Variants in BTRC observed in about 807,000 individuals in gnomAD.
BTRC encodes F-box/WD repeat-containing protein 1A.
A neutral mutation model predicts 85.5 loss-of-function variants in BTRC; 42 were observed. The ratio of observed to expected loss-of-function variants is 0.49; its 90% CI spans 0.38 to 0.64. BTRC has a LOEUF of 0.64. BTRC is among the 30% of genes least tolerant of loss of function. The probability of loss-of-function intolerance (pLI) is 0.00; values close to 1 mark genes in which losing one functional copy is unlikely to be tolerated. For missense variants in BTRC, 594 were observed against 743.5 expected (o/e 0.80, Z 2.34); for synonymous variants, 255 against 263.3 (o/e 0.97, Z 0.30).
chr10:101,539,290 T>C (rs2062432839), intron 13 of BTRC, among the ~76,000 whole-genome samples: 1 of 152,192 alleles, frequency 6.6e-6, no homozygotes, highest in South Asian at 2.1e-4. Context: ...AGAAAATTAG[T>C]TGGAGCAACA....
intron 1 of BTRC, 53 bp from the exon 2 acceptor site, chr10:101,430,292 C>A: frequency 7.9e-7 from 1 of 1,259,938 alleles, no homozygotes; most frequent in Non-Finnish European, 1.1e-6. Context: ...TTCCTGTAAT[C>A]TGTGCCATCC....
rs530929660 is a variant in BTRC, at chr10:101,385,748, T to C, written c.48+31520T>C. Among the ~76,000 whole-genome samples, 20 of 151,396 alleles carry C rather than the reference T, an allele frequency of 1.3e-4. No individual in the cohort carries two copies. The South Asian group carries it at 4.0e-3, about 30-fold the overall frequency. Reference sequence around the variant, plus strand: ...CTTCCCAGACACACACACACACATATGTTTTGTACAAAATTTCAGGAGGTT... The same window carrying C: ...CTTCCCAGACACACACACACACATACGTTTTGTACAAAATTTCAGGAGGTT... On this transcript the variant is annotated intron_variant, in intron 1 of 14. Coordinates refer to ENST00000370187, the MANE Select transcript of BTRC (RefSeq NM_033637.4).
At chr10:101,457,754 T>C (rs1336453555) in intron 2 of BTRC, among the ~76,000 whole-genome samples, 1 of 152,178 alleles carries the variant, frequency 6.6e-6, no homozygotes, top group Non-Finnish European at 1.5e-5. Context: ...GATGGAATTT[T>C]CCCCCTAAAA....
chr10:101,555,641 A>C lies in BTRC; in HGVS notation c.*2518A>C, dbSNP rs370545555. The C allele has an allele frequency of 6.2e-4, 95 of 152,784 alleles. No individual in the cohort carries two copies. The highest frequency in any genetic ancestry group is 2.1e-3 in the African/African-American group (89 of 41,576). The allele number at this position is 152,784 out of a possible 1,614,324, so 9.5% of individuals were successfully genotyped here. A position where few individuals can be genotyped will look rare whatever the true frequency, so the allele number is the denominator to read the frequency against. On this transcript the variant is annotated 3_prime_UTR_variant, in exon 15 of 15. Transcript: ENST00000370187. ...GGTAAACCCCACTTACCATCTCTGC[A>C]TGATTTCAGTGGGAATTGATTATCA...
chr10:101,545,945 C>T (rs1159185545), intron 13 of BTRC, among the ~76,000 whole-genome samples: 1 of 152,124 alleles, frequency 6.6e-6, no homozygotes, highest in Non-Finnish European at 1.5e-5. Context: ...TGTGTACACA[C>T]CTAACAACAG....
At position 101,535,464 on chromosome 10, in the gene BTRC, C is replaced by T; in HGVS notation, c.1458C>T (p.Asn486=). Reference sequence around the variant, plus strand: ...TGGTAGTGAGTGGCTCATCTGACAACACTATCAGGTGAGCAGCAAGTGCCT... The same window carrying T: ...TGGTAGTGAGTGGCTCATCTGACAATACTATCAGGTGAGCAGCAAGTGCCT... ...DRLVVSGSSD[N]TIRLWDIECG... is the part of the protein sequence containing the mutation. Residue 486 remains asparagine (N), a synonymous_variant, in exon 11 of 15, where the codon AAC becomes AAT. Coordinates refer to ENST00000370187, the MANE Select transcript of BTRC (RefSeq NM_033637.4). 1 of 1,608,888 alleles carries T rather than the reference C, an allele frequency of 6.2e-7. No individual in the cohort carries two copies. The highest frequency in any genetic ancestry group is 8.5e-7 in the Non-Finnish European group (1 of 1,175,890).
intron 2 of BTRC, among the ~76,000 whole-genome samples, chr10:101,433,348 G>T (rs899309247): frequency 6.6e-6 from 1 of 152,060 alleles, no homozygotes; most frequent in South Asian, 2.1e-4. Flanking sequence ...TTCTAGGAAG[G>T]GAATGTTCAA....
intron 6 of BTRC, among the ~76,000 whole-genome samples, chr10:101,530,536 G>A (rs769920096): frequency 6.6e-5 from 10 of 151,752 alleles, no homozygotes; most frequent in Non-Finnish European, 1.5e-4. Context: ...TAGTTCAAAG[G>A]TAATAGTTAC....
chr10:101,369,502 T>TA (rs1401856183), intron 1 of BTRC, among the ~76,000 whole-genome samples: 2 of 152,246 alleles, frequency 1.3e-5, no homozygotes, highest in African/African-American at 4.8e-5. Flanking sequence ...TACTGAAAGA[T>TA]ACTCCAGGCT....
At chr10:101,413,506 G>C (rs1209650944) in intron 1 of BTRC, among the ~76,000 whole-genome samples, 1 of 152,154 alleles carries the variant, frequency 6.6e-6, no homozygotes, top group Non-Finnish European at 1.5e-5. Context: ...TAGAGATGGG[G>C]TTTCACCATC....
chr10:101,437,527 G>A (rs1311550077), intron 2 of BTRC, among the ~76,000 whole-genome samples: 1 of 152,114 alleles, frequency 6.6e-6, no homozygotes, highest in East Asian at 1.9e-4. Context: ...GTAGAAAATA[G>A]AAGTAGAAAG....
At chr10:101,401,146 A>G (rs1419112421) in intron 1 of BTRC, among the ~76,000 whole-genome samples, 1 of 152,232 alleles carries the variant, frequency 6.6e-6, no homozygotes, top group Non-Finnish European at 1.5e-5. Flanking sequence ...AATTTAATAC[A>G]ATGAAGTTTC....
Position 101,431,224 on chromosome 10 carries a change from G to A in BTRC, c.156+772G>A, listed in dbSNP as rs541926635. 2.5e-4 allele frequency among the ~76,000 whole-genome samples: 38 copies of A among 151,790 alleles called. 1 individual carries two copies. The highest frequency in any genetic ancestry group is 8.7e-4 in the African/African-American group (36 of 41,428). On this transcript the variant is annotated intron_variant, in intron 2 of 14. Coordinates refer to ENST00000370187, the MANE Select transcript of BTRC (RefSeq NM_033637.4). ...CCTGAGTAGTTGGGATTACAGTTAC[G>A]CGCCACCACGCCTGGCTAATTTTTG...
Position 101,532,428 on chromosome 10 carries a change from T to C in BTRC, c.974T>C (p.Ile325Thr). ...KIVSGLRDNT[I>T]KIWDKNTLEC... Reference sequence around the variant, plus strand: ...GTAAGCGGCCTTCGAGACAACACAATCAAGGTGAGGTCTATTCAGTTGTAG... The same window carrying C: ...GTAAGCGGCCTTCGAGACAACACAACCAAGGTGAGGTCTATTCAGTTGTAG... The change falls in exon 8 of 15, where the codon ATC (isoleucine) becomes ACC (threonine). Residue 325 changes from isoleucine (I) to threonine (T), a missense_variant. Physicochemically the swap from Ile to Thr is moderately conservative, Grantham distance 89. This residue lies in a region of BTRC where 373 missense variants were observed against 503.6 expected (regional missense o/e 0.74). Transcript: ENST00000370187. The C allele has an allele frequency of 1.2e-6, 2 of 1,609,252 alleles. No individual in the cohort carries two copies. Among genetic ancestry groups the C allele is most frequent in the East Asian group, 2.2e-5 (1 of 44,750 alleles).
chr10:101,369,219 ATT>A (rs960978960), intron 1 of BTRC, among the ~76,000 whole-genome samples: 1 of 143,066 alleles, frequency 7.0e-6, no homozygotes, highest in Admixed American at 7.0e-5. Context: ...GAGTATTATT[ATT>A]TTTTTTTTTT....
At chr10:101,536,415 A>C in intron 11 of BTRC, 128 bp from the exon 12 acceptor site, 1 of 644,772 alleles carries the variant, frequency 1.6e-6, no homozygotes, top group Non-Finnish European at 2.8e-6. Flanking sequence ...AAAGCAGTAC[A>C]TATCTGTGTG....
intron 4 of BTRC, among the ~76,000 whole-genome samples, chr10:101,509,351 T>C (rs1189712326): frequency 1.5e-5 from 2 of 130,676 alleles, no homozygotes; most frequent in Non-Finnish European, 3.2e-5. Flanking sequence ...GCCTCCCGGG[T>C]TCACGCCATT....
At chr10:101,398,028 C>T (rs1055518765) in intron 1 of BTRC, among the ~76,000 whole-genome samples, 3 of 152,150 alleles carry the variant, frequency 2.0e-5, no homozygotes, top group Non-Finnish European at 4.4e-5. Context: ...AGGAATAAAC[C>T]TGATGAAAAC....
intron 3 of BTRC, among the ~76,000 whole-genome samples, chr10:101,474,712 T>C (rs186335218): frequency 1.2e-4 from 19 of 152,324 alleles, no homozygotes; most frequent in African/African-American, 3.8e-4. Context: ...GGCTTTCAGA[T>C]TGAATTCTAG....
Sources: allele counts gnomAD v4.1 joint callset (sites outside exome capture counted in the v4.1 genomes callset), GRCh38; gene constraint gnomAD v4.1.1; regional missense constraint gnomAD v4.1.1; transcripts MANE v1.5; gene names NCBI Gene and HGNC (gene_info 2026-07-23, HGNC 2026-07-21).